Variants in SLC39A12 observed in about 807,000 individuals in gnomAD.
SLC39A12 encodes zinc transporter ZIP12.
Under a neutral mutation model 71.1 loss-of-function variants are expected in SLC39A12, and 63 were observed. That is an observed-to-expected ratio of 0.89 (90% CI 0.72 to 1.09). SLC39A12 has a LOEUF of 1.09. Among genes scored for constraint, SLC39A12 ranks in the 50% least tolerant of loss-of-function variants. The pLI, the probability that SLC39A12 is intolerant of heterozygous loss-of-function variation, is 0.00. For synonymous variants in SLC39A12, 351 were observed against 301.3 expected, an observed-to-expected ratio of 1.16 and a Z score of -1.71; for missense variants, 892 against 812.6, an observed-to-expected ratio of 1.10 and a Z score of -1.19.
chr10:18,015,333 T>A (rs1451043959), intron 12 of SLC39A12, among the ~76,000 whole-genome samples: 6 of 152,174 alleles, frequency 3.9e-5, no homozygotes, highest in Non-Finnish European at 5.9e-5. Flanking sequence ...AAAATTGAGA[T>A]AAAAAATTAG....
At chr10:18,020,233 T>G (rs565493337) in intron 12 of SLC39A12, among the ~76,000 whole-genome samples, 1 of 152,060 alleles carries the variant, frequency 6.6e-6, no homozygotes, top group African/African-American at 2.4e-5. Context: ...GGTTTTCTGT[T>G]CCTGTTTTAA....
intron 12 of SLC39A12, among the ~76,000 whole-genome samples, chr10:18,041,869 A>T (rs986179196): frequency 6.7e-6 from 1 of 148,492 alleles, no homozygotes; most frequent in Admixed American, 6.8e-5. Context: ...ATACATATGT[A>T]TATGTATATA....
At chr10:17,974,038 A>T (rs1162699862) in intron 4 of SLC39A12, among the ~76,000 whole-genome samples, 1 of 151,302 alleles carries the variant, frequency 6.6e-6, no homozygotes, top group Non-Finnish European at 1.5e-5. Context: ...TGCATTTTTT[A>T]GCTCCAGAAT....
intron 12 of SLC39A12, among the ~76,000 whole-genome samples, chr10:18,028,646 A>G (rs1042496324): frequency 1.3e-5 from 2 of 152,092 alleles, no homozygotes; most frequent in African/African-American, 4.8e-5. Flanking sequence ...TTCCTTCATG[A>G]GTATTTTATT....
chr10:17,963,868 G>T (rs1219098705), intron 3 of SLC39A12, among the ~76,000 whole-genome samples: 1 of 152,130 alleles, frequency 6.6e-6, no homozygotes, highest in Non-Finnish European at 1.5e-5. Context: ...GAATCAACTT[G>T]ATACCCTAAT....
At chr10:17,971,601 G>A (rs950823443) in intron 4 of SLC39A12, among the ~76,000 whole-genome samples, 8 of 151,836 alleles carry the variant, frequency 5.3e-5, no homozygotes, top group Admixed American at 5.3e-4. Context: ...ATTTCTTCTA[G>A]ATTTTTCAAA....
At chr10:18,004,163 G>C (rs1236566155) in intron 12 of SLC39A12, 1 of 152,078 alleles carries the variant, frequency 6.6e-6, no homozygotes, top group Non-Finnish European at 1.5e-5. Flanking sequence ...TATTGGGCTT[G>C]TTTACAACTT....
intron 12 of SLC39A12, among the ~76,000 whole-genome samples, chr10:18,013,176 A>G (rs965388925): frequency 6.6e-6 from 1 of 151,346 alleles, no homozygotes; most frequent in African/African-American, 2.4e-5. Flanking sequence ...AATAAGTTAA[A>G]AAGATAAGTA....
chr10:18,034,795 C>T (rs1385181784), intron 12 of SLC39A12, among the ~76,000 whole-genome samples: 1 of 149,538 alleles, frequency 6.7e-6, no homozygotes, highest in Non-Finnish European at 1.5e-5. Flanking sequence ...CCGGTTGTTC[C>T]TTTCCATGTT....
At chr10:18,015,144 A>G (rs988949886) in intron 12 of SLC39A12, among the ~76,000 whole-genome samples, 1 of 152,200 alleles carries the variant, frequency 6.6e-6, no homozygotes, top group African/African-American at 2.4e-5. Context: ...GAGACACTGC[A>G]TGGATAAAGG....
At position 17,958,671 on chromosome 10, in the gene SLC39A12, G is replaced by A. The variant is rs111573258; in HGVS notation, c.262-2910G>A. Among the ~76,000 whole-genome samples, 539 of 152,214 alleles carry A rather than the reference G, an allele frequency of 3.5e-3. 2 individuals are homozygous for A. Among genetic ancestry groups the A allele is most frequent in the African/African-American group, 0.012 (516 of 41,538 alleles). ...GTAGCTTTGGGCAAGTTTCTTATCC[G>A]CTTTAGTCTTGGTTTTCACACATTC... On this transcript the variant is annotated intron_variant, in intron 2 of 12. Coordinates refer to ENST00000377369, the MANE Select transcript of SLC39A12 (RefSeq NM_001145195.2).
In SLC39A12 at chr10:18,043,260, G is replaced by C. The variant is rs147424634; in HGVS notation, c.*427G>C. ...AAACTATAAGCAAGTTAAGTGACAA[G>C]CAAATGTAATAAAGACTAGTTTTAA... On this transcript the variant is annotated 3_prime_UTR_variant, in exon 13 of 13. Coordinates refer to ENST00000377369, the MANE Select transcript of SLC39A12 (RefSeq NM_001145195.2). The C allele has an allele frequency of 6.5e-6, 1 of 153,088 alleles. No homozygotes were observed. Among genetic ancestry groups the C allele is most frequent in the Non-Finnish European group, 1.5e-5 (1 of 68,448 alleles). 9.5% of individuals were successfully genotyped at this position (153,088 alleles called of 1,614,324 possible).
chr10:18,039,909 C>G (rs965267643), intron 12 of SLC39A12, among the ~76,000 whole-genome samples: 4 of 152,094 alleles, frequency 2.6e-5, no homozygotes, highest in Admixed American at 2.6e-4. Flanking sequence ...CATTTAGAAA[C>G]CAAAACACTC....
intron 12 of SLC39A12, among the ~76,000 whole-genome samples, chr10:18,040,815 C>A (rs530915990): frequency 1.3e-5 from 2 of 148,846 alleles, no homozygotes; most frequent in South Asian, 2.1e-4. Context: ...TTGCCATAAA[C>A]CTAAAGTCCT....
At position 17,953,312 on chromosome 10, in the gene SLC39A12, G is replaced by T; in HGVS notation, c.36G>T (p.Val12=). ...CFRTKLSVSW[V]PLFLLLSRVF... ...GGACAAAGCTCTCAGTATCCTGGGT[G>T]CCATTGTTTCTTCTACTCAGCCGTG... is the stretch of plus-strand genomic sequence containing the variant. Residue 12 remains valine (V), a synonymous_variant, in exon 2 of 13, where the codon GTG becomes GTT. Transcript: ENST00000377369. 6.2e-7 allele frequency: 1 copy of T among 1,614,188 alleles called. No individual in the cohort carries two copies. Among genetic ancestry groups the T allele is most frequent in the South Asian group, 1.1e-5 (1 of 91,082 alleles).
At chr10:17,982,221 T>C (rs934842237) in intron 6 of SLC39A12, among the ~76,000 whole-genome samples, 2 of 152,100 alleles carry the variant, frequency 1.3e-5, no homozygotes, top group Admixed American at 1.3e-4. Flanking sequence ...TCCCACTGAG[T>C]CATTGCAATA....
intron 2 of SLC39A12, among the ~76,000 whole-genome samples, chr10:17,956,174 C>T (rs986770504): frequency 1.3e-5 from 2 of 152,086 alleles, no homozygotes; most frequent in Non-Finnish European, 1.5e-5. Context: ...GTGTGCTCCC[C>T]GGGGAGATCT....
intron 4 of SLC39A12, among the ~76,000 whole-genome samples, chr10:17,966,502 GGGTCTCACTAT>G (rs1834827842): frequency 6.6e-6 from 1 of 151,842 alleles, no homozygotes; most frequent in South Asian, 2.1e-4. Context: ...GTAGAGATAG[GGGTCTCACTAT>G]GTTGCCCAGG....
chr10:18,026,958 CATA>C (rs1386287520), intron 12 of SLC39A12, among the ~76,000 whole-genome samples: 1 of 152,090 alleles, frequency 6.6e-6, no homozygotes, highest in Non-Finnish European at 1.5e-5. Flanking sequence ...ACATATTAAT[CATA>C]ATGTTTTAAA....
Sources: allele counts gnomAD v4.1 joint callset (sites outside exome capture counted in the v4.1 genomes callset), GRCh38; gene constraint gnomAD v4.1.1; transcripts MANE v1.5; gene names NCBI Gene and HGNC (gene_info 2026-07-23, HGNC 2026-07-21).